MARK3: variants seen among roughly 807,000 people sequenced by gnomAD.
The protein encoded by MARK3 is MAP/microtubule affinity-regulating kinase 3.
Under a neutral mutation model 90.1 loss-of-function variants are expected in MARK3, and 46 were observed. The observed-to-expected ratio is 0.51, with a 90% CI of 0.40 to 0.65. The LOEUF (loss-of-function observed/expected upper bound fraction) is 0.65. MARK3 is among the 30% of genes least tolerant of loss of function. The pLI, the probability that MARK3 is intolerant of heterozygous loss-of-function variation, is 0.00. For synonymous variants in MARK3, 321 were observed against 332.6 expected, an observed-to-expected ratio of 0.97 and a Z score of 0.38; for missense variants, 818 against 947.2, an observed-to-expected ratio of 0.86 and a Z score of 1.79.
chr14:103,457,076 C>G (rs1311076211), intron 5 of MARK3, 66 bp from the exon 6 acceptor site: 1 of 965,706 alleles, frequency 1.0e-6, no homozygotes, highest in Non-Finnish European at 1.6e-6. Flanking sequence ...AGTGAAACAT[C>G]AATTTATGGG....
intron 2 of MARK3, among the ~76,000 whole-genome samples, chr14:103,418,250 T>C (rs765833688): frequency 6.6e-6 from 1 of 150,490 alleles, no homozygotes; most frequent in Non-Finnish European, 1.5e-5. Context: ...TTTAGCTCTT[T>C]TATAAAGTAG....
intron 5 of MARK3, among the ~76,000 whole-genome samples, chr14:103,452,294 G>T (rs1158274038): frequency 6.6e-6 from 1 of 151,914 alleles, no homozygotes; most frequent in South Asian, 2.1e-4. Context: ...TGTTCACGTT[G>T]CCCTCACCAC....
intron 5 of MARK3, among the ~76,000 whole-genome samples, chr14:103,456,094 ATGT>A: frequency 6.6e-6 from 1 of 152,298 alleles, no homozygotes; most frequent in Admixed American, 6.5e-5. Flanking sequence ...TAAATAATTA[ATGT>A]TGTGTAAACT....
chr14:103,460,886 C>T (rs1170188890), intron 6 of MARK3, among the ~76,000 whole-genome samples: 1 of 152,180 alleles, frequency 6.6e-6, no homozygotes, highest in Non-Finnish European at 1.5e-5. Flanking sequence ...TCCAAAGTAA[C>T]AGATGCTCTA....
At chr14:103,405,642 A>G (rs769604533) in intron 2 of MARK3, among the ~76,000 whole-genome samples, 7 of 152,000 alleles carry the variant, frequency 4.6e-5, no homozygotes, top group African/African-American at 1.7e-4. Context: ...CGCCTGTAAT[A>G]TATAGCTACT....
At chr14:103,442,369 CAA>C (rs11397354) in intron 3 of MARK3, among the ~76,000 whole-genome samples, 6 of 145,284 alleles carry the variant, frequency 4.1e-5, no homozygotes, top group African/African-American at 1.3e-4. Context: ...GACTCCGTCT[CAA>C]AAAAAAAAAA....
At chr14:103,462,578 A>G (rs1425260967) in intron 7 of MARK3, 117 bp downstream of exon 7, 9 of 573,852 alleles carry the variant, frequency 1.6e-5, no homozygotes, top group Admixed American at 3.2e-5. Flanking sequence ...AAATCCCACA[A>G]TAATTGAATC....
chr14:103,492,583 A>G (rs1330014896), intron 15 of MARK3, among the ~76,000 whole-genome samples: 1 of 152,222 alleles, frequency 6.6e-6, no homozygotes, highest in African/African-American at 2.4e-5. Context: ...TTTTGGAGAT[A>G]AAATCTCTGG....
At chr14:103,430,236 G>A (rs1035618960) in intron 3 of MARK3, among the ~76,000 whole-genome samples, 2 of 152,262 alleles carry the variant, frequency 1.3e-5, no homozygotes, top group South Asian at 2.1e-4. Flanking sequence ...AACTTGATAA[G>A]TATAATATTT....
At chr14:103,447,291 C>G (rs1178514977) in intron 3 of MARK3, among the ~76,000 whole-genome samples, 2 of 151,956 alleles carry the variant, frequency 1.3e-5, no homozygotes, top group African/African-American at 4.8e-5. Flanking sequence ...AGAGCGAGAC[C>G]CTGTCTCAAA....
At chr14:103,425,140 C>T (rs1044963678) in intron 2 of MARK3, among the ~76,000 whole-genome samples, 1 of 151,996 alleles carries the variant, frequency 6.6e-6, no homozygotes, top group Admixed American at 6.6e-5. Context: ...TGGGGTTTCA[C>T]CATGTTGGCC....
intron 2 of MARK3, among the ~76,000 whole-genome samples, chr14:103,419,063 C>T (rs1238495202): frequency 3.3e-5 from 5 of 151,950 alleles, no homozygotes; most frequent in South Asian, 2.1e-4. Context: ...CTGAGGCGGG[C>T]GGATCACGAG....
chr14:103,451,170 C>CCT (rs2093138950), intron 4 of MARK3, among the ~76,000 whole-genome samples: 1 of 151,826 alleles, frequency 6.6e-6, no homozygotes, highest in Admixed American at 6.6e-5. Context: ...TCAGCAGAAA[C>CCT]GATCCACCCG....
intron 1 of MARK3, among the ~76,000 whole-genome samples, chr14:103,397,108 T>TA (rs1210452166): frequency 6.6e-6 from 1 of 152,182 alleles, no homozygotes; most frequent in Non-Finnish European, 1.5e-5. Context: ...GAAAATTACA[T>TA]ATGTATGTCA....
chr14:103,500,989 G>C (rs375554791), intron 17 of MARK3, among the ~76,000 whole-genome samples: 1 of 152,126 alleles, frequency 6.6e-6, no homozygotes, highest in African/African-American at 2.4e-5. Context: ...GGTAGCCTTA[G>C]GACTCTATGT....
intron 1 of MARK3, among the ~76,000 whole-genome samples, chr14:103,400,581 A>G (rs1325236735): frequency 1.3e-5 from 2 of 152,176 alleles, no homozygotes; most frequent in African/African-American, 4.8e-5. Flanking sequence ...AGTACCCATT[A>G]TGTGCATAGT....
chr14:103,503,362 C>T lies in MARK3; in HGVS notation c.*135C>T, dbSNP rs1041337043. 4.8e-6 allele frequency: 4 copies of T among 829,288 alleles called. No homozygotes were observed. The highest frequency in any genetic ancestry group is 1.7e-5 in the African/African-American group (1 of 58,066). The allele number at this position is 829,288 out of a possible 1,614,324, so 51.4% of individuals were successfully genotyped here. On this transcript the variant is annotated 3_prime_UTR_variant, in exon 18 of 18. Coordinates refer to ENST00000429436, the MANE Select transcript of MARK3 (RefSeq NM_001128918.3). ...AAATTAAAGTCTGAGGACGAGAGCACGCCTGGGAGCGAAAGCTGGCCTTTT... is the reference window on the plus strand; with the variant it reads ...AAATTAAAGTCTGAGGACGAGAGCATGCCTGGGAGCGAAAGCTGGCCTTTT...
intron 17 of MARK3, among the ~76,000 whole-genome samples, chr14:103,501,818 C>T (rs1291258231): frequency 1.3e-5 from 2 of 152,134 alleles, no homozygotes; most frequent in Non-Finnish European, 2.9e-5. Context: ...TAGTATCTAA[C>T]GTGGCATTTT....
At position 103,500,980 on chromosome 14, in the gene MARK3, G is replaced by C. The variant is rs1364641602; in HGVS notation, c.1916+780G>C. Among the ~76,000 whole-genome samples the C allele has an allele frequency of 3.3e-5, 5 of 152,256 alleles. No homozygotes were observed. The East Asian group carries it at 9.7e-4, about 29-fold the overall frequency. Reference sequence around the variant, plus strand: ...GGATTTGAGGGGAGGCAATCACCAGGTAGCCTTAGGACTCTATGTCCCTTG... The same window carrying C: ...GGATTTGAGGGGAGGCAATCACCAGCTAGCCTTAGGACTCTATGTCCCTTG... On this transcript the variant is annotated intron_variant, in intron 17 of 17. Transcript: ENST00000429436.
Sources: gnomAD v4.1 joint callset for allele counts (sites outside exome capture counted in the v4.1 genomes callset) on GRCh38, gnomAD v4.1.1 for gene constraint, MANE v1.5 for transcripts, NCBI Gene and HGNC (gene_info 2026-07-23, HGNC 2026-07-21) for gene names.